The following SORBS3 variants were observed in gnomAD, a reference collection of about 807,000 sequenced individuals.
SORBS3 encodes the protein sorbin and SH3 domain containing 3.
A neutral mutation model predicts 98.0 loss-of-function variants in SORBS3; 69 were observed. That is an observed-to-expected ratio of 0.70 (90% CI 0.58 to 0.86). The LOEUF (loss-of-function observed/expected upper bound fraction) is 0.86. SORBS3 is among the 40% of genes least tolerant of loss of function. The pLI is 0.00. For synonymous variants in SORBS3, 394 were observed against 355.4 expected, an observed-to-expected ratio of 1.11 and a Z score of -1.22; for missense variants, 954 against 908.5, an observed-to-expected ratio of 1.05 and a Z score of -0.64.
chr8:22,560,969 T>G (rs76717604), intron 5 of SORBS3: 9,986 of 220,022 alleles, frequency 0.045, 779 homozygotes, highest in African/African-American at 0.18. Flanking sequence ...GAGTGGGTCT[T>G]GGCAAATGGG....
intron 8 of SORBS3, 78 bp from the exon 9 acceptor site, chr8:22,564,193 AAGGGCAGGGGCC>A: frequency 1.3e-6 from 2 of 1,482,402 alleles, no homozygotes; most frequent in Non-Finnish European, 1.9e-6. Flanking sequence ...GGCCCAGGGG[AAGGGCAGGGGCC>A]TGCAAGCCTG....
At position 22,574,738 on chromosome 8, in the gene SORBS3, A is replaced by T; in HGVS notation, c.*10A>T. On this transcript the variant is annotated 3_prime_UTR_variant, in exon 21 of 21. Coordinates refer to ENST00000240123, the MANE Select transcript of SORBS3 (RefSeq NM_005775.5). ...CGTTGCCCCGGTGTGAGTGGTCTCC[A>T]TGGCAACTTGGAGCCAGCCAGGATG... 1.2e-6 allele frequency: 2 copies of T among 1,610,830 alleles called. No homozygotes were observed. Among genetic ancestry groups the T allele is most frequent in the Non-Finnish European group, 1.7e-6 (2 of 1,177,540 alleles).
chr8:22,563,812 A>G (rs1346978740), intron 7 of SORBS3, among the ~76,000 whole-genome samples, 175 bp from the exon 8 acceptor site: 1 of 152,186 alleles, frequency 6.6e-6, no homozygotes, highest in Non-Finnish European at 1.5e-5. Context: ...CTGGAATTTA[A>G]GCTTGGAGCT....
chr8:22,565,739 G>A lies in SORBS3; in HGVS notation c.904-87G>A, dbSNP rs749853372. On this transcript the variant is annotated intron_variant, in intron 11 of 20. Coordinates refer to ENST00000240123, the MANE Select transcript of SORBS3 (RefSeq NM_005775.5). ...GTCCCGCCCGCTCTCCTCCCCTCCC[G>A]AGCCGCGAACTTTTCCGGAGGCGGC... 4 of 1,270,366 alleles carry A rather than the reference G, an allele frequency of 3.1e-6. No homozygotes were observed. The East Asian group carries it at 9.9e-5, about 32-fold the overall frequency. The allele number at this position is 1,270,366 out of a possible 1,614,324, so 78.7% of individuals were successfully genotyped here. A position where few individuals can be genotyped will look rare whatever the true frequency, so the allele number is the denominator to read the frequency against.
rs528863716 is a variant in SORBS3 at position 22,571,819 on chromosome 8, C to G, written c.1845C>G (p.Thr615=). 24 of 1,602,180 alleles carry G rather than the reference C, an allele frequency of 1.5e-5. No individual in the cohort carries two copies. In the South Asian group the frequency reaches 1.9e-4, roughly 12 times the overall value. Residue 615 remains threonine (T), a splice_region_variant and synonymous_variant, in exon 19 of 21, where the codon ACC becomes ACG. Transcript: ENST00000240123. ...SSPNTSQIHW[T]PYRAMYQYRP... ...CTAACACCTCTCAGATACACTGGACCCCGTGAGTACCATCTGAGGGCTCTT... is the reference window on the plus strand; with the variant it reads ...CTAACACCTCTCAGATACACTGGACGCCGTGAGTACCATCTGAGGGCTCTT...
intron 15 of SORBS3, 72 bp downstream of exon 15, chr8:22,566,940 G>A (rs1295611221): frequency 1.3e-6 from 2 of 1,576,862 alleles, no homozygotes; most frequent in Admixed American, 1.8e-5. Context: ...TGGGGAGGGG[G>A]ACTGGGCTGC....
Position 22,554,235 on chromosome 8 carries a change from T to C in SORBS3, c.-55-217T>C. On this transcript the variant is annotated intron_variant, in intron 1 of 20. Transcript: ENST00000240123. This position sits in a 1 kb window ranked among gnomAD's most constrained non-coding sequence, Gnocchi z 6.5. ...CCACCCGGAGCTCCTGCCCTGGGCC[T>C]AACAAGTGGTCCATTGTGCCCCTGG... The C allele has an allele frequency of 3.7e-6, 1 of 268,880 alleles. No individual in the cohort carries two copies. The allele number at this position is 268,880 out of a possible 1,614,324, so 16.7% of individuals were successfully genotyped here.
chr8:22,564,390 G>A (rs754094912), intron 9 of SORBS3, 21 bp downstream of exon 9: 15 of 1,613,502 alleles, frequency 9.3e-6, no homozygotes, highest in Middle Eastern at 1.6e-4. Flanking sequence ...GCTGGCTCTC[G>A]GGGTGTGCAC....
chr8:22,571,304 C>A, intron 18 of SORBS3, 83 bp downstream of exon 18: 1 of 796,200 alleles, frequency 1.3e-6, no homozygotes, highest in Non-Finnish European at 2.0e-6. Context: ...ACACTTGGGA[C>A]TCCTTCCCAG....
At position 22,554,913 on chromosome 8, in the gene SORBS3, C is replaced by T. The variant is rs748002524; in HGVS notation, c.153C>T (p.His51=). The T allele has an allele frequency of 5.0e-5, 81 of 1,613,592 alleles. No individual in the cohort carries two copies. Among genetic ancestry groups the T allele is most frequent in the South Asian group, 2.3e-4 (21 of 91,080 alleles). The change falls in exon 3 of 21, where the codon CAC becomes CAT. Residue 51 remains histidine (H), a synonymous_variant. Transcript: ENST00000240123. This position sits in a 1 kb window ranked among gnomAD's most constrained non-coding sequence, Gnocchi z 6.5. The part of the protein sequence containing the change: ...GGSNTLNFQF[H]DPAPRTVCNG... Reference sequence around the variant, plus strand: ...CCAACACCCTTAATTTCCAGTTCCACGACCCCGCGCCCAGGACTGTGTGCA... The same window carrying T: ...CCAACACCCTTAATTTCCAGTTCCATGACCCCGCGCCCAGGACTGTGTGCA...
chr8:22,564,643 T>C lies in SORBS3; in HGVS notation c.816+122T>C, dbSNP rs550858394. Reference sequence around the variant, plus strand: ...GAGCTCTCTCTCCAGTCCCACATGGTTTATTTCTGTAATGCCAGCACTCAG... The same window carrying C: ...GAGCTCTCTCTCCAGTCCCACATGGCTTATTTCTGTAATGCCAGCACTCAG... On this transcript the variant is annotated intron_variant, in intron 10 of 20. Coordinates refer to ENST00000240123, the MANE Select transcript of SORBS3 (RefSeq NM_005775.5). 19 of 1,428,162 alleles carry C rather than the reference T, an allele frequency of 1.3e-5. No homozygotes were observed. In the East Asian group the frequency reaches 2.4e-4, roughly 18 times the overall value. The allele number at this position is 1,428,162 out of a possible 1,614,324, so 88.5% of individuals were successfully genotyped here. A position where few individuals can be genotyped will look rare whatever the true frequency, so the allele number is the denominator to read the frequency against.
chr8:22,566,854 G>A lies in SORBS3; in HGVS notation c.1176G>A (p.Gln392=). The change falls in exon 15 of 21, where the codon CAG becomes CAA. Residue 392 remains glutamine, a synonymous_variant. Transcript: ENST00000240123. ...RKAARLKFDF[Q]AQSPKELTLQ... ...CCGCCAGGCTCAAGTTTGACTTCCA[G>A]GCGCAGTCCCCCAAGTAAGCGCCCT... 1 of 1,612,546 alleles carries A rather than the reference G, an allele frequency of 6.2e-7. No individual in the cohort carries two copies. Among genetic ancestry groups the A allele is most frequent in the Non-Finnish European group, 8.5e-7 (1 of 1,179,316 alleles).
intron 11 of SORBS3, chr8:22,565,619 C>T (rs1300140984): frequency 3.0e-6 from 3 of 983,962 alleles, no homozygotes; most frequent in Admixed American, 4.5e-5. Context: ...CCGCCCCGTC[C>T]GGCCCCCGGG....
chr8:22,551,736 C>A, upstream of SORBS3: 1 of 985,164 alleles, frequency 1.0e-6, no homozygotes, highest in Non-Finnish European at 1.2e-6. This position sits in a 1 kb window ranked among gnomAD's most constrained non-coding sequence, Gnocchi z 5.8. Context: ...CACGTCCCTC[C>A]TCTCCGGCCC....
At chr8:22,564,618 G>C in intron 10 of SORBS3, 97 bp downstream of exon 10, 1 of 1,524,270 alleles carries the variant, frequency 6.6e-7, no homozygotes, top group Non-Finnish European at 9.0e-7. Context: ...CACGAACTAA[G>C]AGCTCTCTCT....
At chr8:22,550,062 G>A (rs113354779), upstream of SORBS3, 6 of 971,974 alleles carry the variant, frequency 6.2e-6, 1 homozygote, top group African/African-American at 1.1e-4. Flanking sequence ...CTGACAGGTG[G>A]GAAAAATGCG....
At chr8:22,574,331 C>A (rs987230070) in intron 20 of SORBS3, among the ~76,000 whole-genome samples, 17 of 152,194 alleles carry the variant, frequency 1.1e-4, no homozygotes, top group African/African-American at 3.9e-4. Flanking sequence ...CCCTATTAGA[C>A]CAGGGACGTT....
At chr8:22,548,660 G>A (rs1033692717), upstream of SORBS3, among the ~76,000 whole-genome samples, 2 of 152,168 alleles carry the variant, frequency 1.3e-5, no homozygotes, top group African/African-American at 2.4e-5. Flanking sequence ...AGCTAGGGCC[G>A]CCTAGCTGCC....
At chr8:22,571,393 C>T (rs568809615) in intron 18 of SORBS3, among the ~76,000 whole-genome samples, 172 bp downstream of exon 18, 1 of 152,236 alleles carries the variant, frequency 6.6e-6, no homozygotes, top group East Asian at 1.9e-4. Context: ...GGACCTCAAC[C>T]TACCGAGCTC....
Sources: gnomAD v4.1 joint callset for allele counts (sites outside exome capture counted in the v4.1 genomes callset) on GRCh38, gnomAD v4.1.1 for gene constraint, Gnocchi (gnomAD v3.1) non-coding constraint, MANE v1.5 for transcripts, NCBI Gene and HGNC (gene_info 2026-07-23, HGNC 2026-07-21) for gene names.